ARK2C: variants seen among roughly 807,000 people sequenced by gnomAD.
ARK2C encodes E3 ubiquitin-protein ligase ARK2C.
chr18:46,383,070 C>T, the ARK2C span, among the ~76,000 whole-genome samples: 22 of 152,364 alleles, frequency 1.4e-4, no homozygotes, highest in South Asian at 4.6e-3. Context: ...CTCATGCCTG[C>T]CTTCTTCTCA....
the ARK2C span, among the ~76,000 whole-genome samples, chr18:46,383,157 A>T: frequency 6.6e-6 from 1 of 152,250 alleles, no homozygotes; most frequent in Non-Finnish European, 1.5e-5. Flanking sequence ...AGACATGGCC[A>T]GATGATGGCT....
At chr18:46,432,947 A>T in the ARK2C span, among the ~76,000 whole-genome samples, 9 of 151,010 alleles carry the variant, frequency 6.0e-5, no homozygotes, top group African/African-American at 1.5e-4. Context: ...TCCGTCTCAA[A>T]AAATAAATAA....
the ARK2C span, among the ~76,000 whole-genome samples, chr18:46,379,861 A>C: frequency 6.6e-6 from 1 of 152,186 alleles, no homozygotes; most frequent in Non-Finnish European, 1.5e-5. Context: ...CTAAACTCCT[A>C]CCTTCAGAAA....
At chr18:46,414,699 C>A in the ARK2C span, among the ~76,000 whole-genome samples, 1 of 152,154 alleles carries the variant, frequency 6.6e-6, no homozygotes, top group African/African-American at 2.4e-5. Flanking sequence ...CATGCACATA[C>A]ACACAGCCTT....
chr18:46,373,038 A>C, the ARK2C span, among the ~76,000 whole-genome samples: 15 of 152,328 alleles, frequency 9.8e-5, no homozygotes, highest in African/African-American at 2.9e-4. Flanking sequence ...GTGTGTGTGT[A>C]CGTGTGCATG....
At chr18:46,455,146 T>C in the ARK2C span, among the ~76,000 whole-genome samples, 3 of 152,182 alleles carry the variant, frequency 2.0e-5, no homozygotes, top group African/African-American at 7.2e-5. Context: ...ACTTTCTGGA[T>C]AGAAAGATAA....
chr18:46,442,208 T>A, the ARK2C span, among the ~76,000 whole-genome samples: 1 of 152,134 alleles, frequency 6.6e-6, no homozygotes, highest in Non-Finnish European at 1.5e-5. Flanking sequence ...TCCCATTACT[T>A]GTTTTTTATT....
the ARK2C span, among the ~76,000 whole-genome samples, chr18:46,400,296 T>C: frequency 6.6e-6 from 1 of 152,346 alleles, no homozygotes; most frequent in East Asian, 1.9e-4. Flanking sequence ...GCTTGGCCAG[T>C]GTCCTGCAGT....
At chr18:46,397,868 A>G in the ARK2C span, among the ~76,000 whole-genome samples, 315 of 16,188 alleles carry the variant, frequency 0.019, no homozygotes, top group Non-Finnish European at 0.022. Flanking sequence ...TGTGGTGCGT[A>G]TGTGTGTGTG....
chr18:46,433,487 G>T, the ARK2C span: 1 of 1,609,114 alleles, frequency 6.2e-7, no homozygotes. Context: ...CAGCACCGCA[G>T]GCTGGTCTCG....
At chr18:46,394,980 G>T in the ARK2C span, among the ~76,000 whole-genome samples, 1 of 152,188 alleles carries the variant, frequency 6.6e-6, no homozygotes, top group African/African-American at 2.4e-5. Context: ...TCCATGCAAA[G>T]CCTCATGTAG....
At chr18:46,370,552 T>G in the ARK2C span, among the ~76,000 whole-genome samples, 1 of 152,202 alleles carries the variant, frequency 6.6e-6, no homozygotes, top group Admixed American at 6.5e-5. Flanking sequence ...AGATTCAGGA[T>G]CCAAGAGTGT....
the ARK2C span, among the ~76,000 whole-genome samples, chr18:46,401,991 C>G: frequency 6.6e-6 from 1 of 152,254 alleles, no homozygotes; most frequent in Non-Finnish European, 1.5e-5. Context: ...CCTCTCCTCA[C>G]TGCTCTCACA....
the ARK2C span, among the ~76,000 whole-genome samples, chr18:46,338,918 C>T: frequency 6.6e-6 from 1 of 152,198 alleles, no homozygotes; most frequent in East Asian, 1.9e-4. Context: ...CCCTGCCTGA[C>T]CACAGCGCTT....
the ARK2C span, among the ~76,000 whole-genome samples, chr18:46,445,873 C>T: frequency 6.7e-6 from 1 of 149,888 alleles, no homozygotes; most frequent in Non-Finnish European, 1.5e-5. Flanking sequence ...CCAGTAGAAG[C>T]GGAAATTCCT....
the ARK2C span, among the ~76,000 whole-genome samples, chr18:46,377,688 G>T: frequency 6.3e-3 from 954 of 152,264 alleles, 10 homozygotes; most frequent in African/African-American, 0.022. Context: ...CATTAATTTC[G>T]CATGAGGGCA....
chr18:46,406,171 C>G, the ARK2C span, among the ~76,000 whole-genome samples: 1 of 152,190 alleles, frequency 6.6e-6, no homozygotes, highest in Non-Finnish European at 1.5e-5. Context: ...CCCATGTGCA[C>G]CCCCAATACG....
At chr18:46,391,985 G>A in the ARK2C span, among the ~76,000 whole-genome samples, 6 of 149,340 alleles carry the variant, frequency 4.0e-5, no homozygotes, top group African/African-American at 9.9e-5. Context: ...AACACACCAC[G>A]TACACACATA....
At chr18:46,428,498 C>T in the ARK2C span, among the ~76,000 whole-genome samples, 1 of 152,180 alleles carries the variant, frequency 6.6e-6, no homozygotes, top group African/African-American at 2.4e-5. Flanking sequence ...CACTGCTCCA[C>T]TCTATCAGTT....
Sources: allele counts gnomAD v4.1 joint callset (sites outside exome capture counted in the v4.1 genomes callset), GRCh38; gene constraint gnomAD v4.1.1; transcripts MANE v1.5; gene names NCBI Gene and HGNC (gene_info 2026-07-23, HGNC 2026-07-21).